The following EFR3B variants were observed in gnomAD, a reference collection of about 807,000 sequenced individuals.
The protein encoded by EFR3B is protein EFR3 homolog B.
A neutral mutation model predicts 104.7 loss-of-function variants in EFR3B; 64 were observed. The observed-to-expected ratio is 0.61, with a 90% CI of 0.50 to 0.75. EFR3B has a LOEUF of 0.75. EFR3B is among the 30% of genes least tolerant of loss of function. The pLI, the probability that EFR3B is intolerant of heterozygous loss-of-function variation, is 0.00. For missense variants in EFR3B, 750 were observed against 1,078.5 expected, an observed-to-expected ratio of 0.70 and a Z score of 4.27; for synonymous variants, 385 against 417.9, an observed-to-expected ratio of 0.92 and a Z score of 0.96.
In EFR3B at chr2:25,158,769, G is replaced by GC. The variant is rs1022044923; in HGVS notation, c.*4430dup. ...CCCCCCATGACTGTTGATTTCTGGC[G>GC]CGTGGAGGCAGAGTTGTGAATCCAC... On this transcript the variant is annotated 3_prime_UTR_variant, in exon 23 of 23. Transcript: ENST00000403714. The GC allele has an allele frequency of 6.6e-4, 101 of 152,328 alleles. No homozygotes were observed. The highest frequency in any genetic ancestry group is 2.4e-3 in the African/African-American group (99 of 41,526). 9.4% of individuals were successfully genotyped at this position (152,328 alleles called of 1,614,324 possible).
chr2:25,105,550 A>C (rs1669539536), intron 4 of EFR3B, among the ~76,000 whole-genome samples: 1 of 152,248 alleles, frequency 6.6e-6, no homozygotes. Context: ...TCCAAGGACC[A>C]AGAGTAGCAA....
chr2:25,131,706 G>C lies in EFR3B; in HGVS notation c.986-44G>C. ...CTGCGCGCGGTGCACAGAGGAGGAG[G>C]GTGCCAGCCTTGGATCTCGGGTGTC... On this transcript the variant is annotated intron_variant, in intron 9 of 22. Coordinates refer to ENST00000403714, the MANE Select transcript of EFR3B (RefSeq NM_014971.2). This position sits in a 1 kb window ranked among gnomAD's most constrained non-coding sequence, Gnocchi z 7.6. The C allele has an allele frequency of 2.7e-6, 4 of 1,483,786 alleles. No individual in the cohort carries two copies. The highest frequency in any genetic ancestry group is 3.6e-6 in the Non-Finnish European group (4 of 1,111,074). The allele number at this position is 1,483,786 out of a possible 1,614,324, so 91.9% of individuals were successfully genotyped here. A position where few individuals can be genotyped will look rare whatever the true frequency, so the allele number is the denominator to read the frequency against.
At position 25,137,279 on chromosome 2, in the gene EFR3B, T is replaced by C; in HGVS notation, c.1561-62T>C. ...CCTTCAGATTGGTCTTCCTCCGTGT[T>C]CTCCTTGCCCCTCCTGTCCCCATCC... On this transcript the variant is annotated intron_variant, in intron 14 of 22. Coordinates refer to ENST00000403714, the MANE Select transcript of EFR3B (RefSeq NM_014971.2). This position sits in a 1 kb window ranked among gnomAD's most constrained non-coding sequence, Gnocchi z 4.7. 6.5e-7 allele frequency: 1 copy of C among 1,532,668 alleles called. No individual in the cohort carries two copies. The highest frequency in any genetic ancestry group is 8.8e-7 in the Non-Finnish European group (1 of 1,134,440). The allele number at this position is 1,532,668 out of a possible 1,614,324, so 94.9% of individuals were successfully genotyped here.
chr2:25,092,853 C>A, intron 2 of EFR3B, 150 bp from the exon 3 acceptor site: 1 of 973,352 alleles, frequency 1.0e-6, no homozygotes, highest in Non-Finnish European at 1.5e-6. Flanking sequence ...TTTTAATCAT[C>A]TGCCTGTCTC....
At chr2:25,100,451 C>T (rs956761944) in intron 3 of EFR3B, among the ~76,000 whole-genome samples, 7 of 152,176 alleles carry the variant, frequency 4.6e-5, no homozygotes, top group Non-Finnish European at 8.8e-5. Flanking sequence ...GATTCCTGGG[C>T]ACCCCATTAG....
Position 25,137,214 on chromosome 2 carries a change from C to G in EFR3B, c.1561-127C>G, listed in dbSNP as rs184057411. 6 of 1,109,848 alleles carry G rather than the reference C, an allele frequency of 5.4e-6. No individual in the cohort carries two copies. The East Asian group carries it at 1.6e-4, about 29-fold the overall frequency. The allele number at this position is 1,109,848 out of a possible 1,614,324, so 68.8% of individuals were successfully genotyped here. On this transcript the variant is annotated intron_variant, in intron 14 of 22. Coordinates refer to ENST00000403714, the MANE Select transcript of EFR3B (RefSeq NM_014971.2). This position sits in a 1 kb window ranked among gnomAD's most constrained non-coding sequence, Gnocchi z 4.7. ...GCCAGAGCCCGCTTTAAAGGCATCC[C>G]CTCCCCAAGGGAGGAGGGGGCACAC...
At chr2:25,140,910 A>G (rs542003762) in intron 16 of EFR3B, among the ~76,000 whole-genome samples, 2 of 152,190 alleles carry the variant, frequency 1.3e-5, no homozygotes, top group South Asian at 4.1e-4. Context: ...GCGTGGTGGC[A>G]TGCACCTGCA....
chr2:25,107,845 A>G (rs1021968194), intron 4 of EFR3B, among the ~76,000 whole-genome samples: 6 of 141,364 alleles, frequency 4.2e-5, no homozygotes, highest in African/African-American at 1.6e-4. Flanking sequence ...TTCATTTTTT[A>G]TTTTATTTTT....
intron 1 of EFR3B, among the ~76,000 whole-genome samples, chr2:25,052,480 T>C (rs901602266): frequency 1.3e-5 from 2 of 151,652 alleles, no homozygotes; most frequent in African/African-American, 4.9e-5. Context: ...GGCACCACTA[T>C]GTGCCAGGCA....
chr2:25,091,488 C>A (rs1304951976), intron 2 of EFR3B, 87 bp downstream of exon 2: 30 of 1,271,130 alleles, frequency 2.4e-5, no homozygotes, highest in Non-Finnish European at 4.3e-6. Context: ...GGCCTCCTGC[C>A]GGGTGGGGAA....
intron 1 of EFR3B, among the ~76,000 whole-genome samples, chr2:25,067,434 T>G (rs1431199865): frequency 1.6e-4 from 24 of 151,120 alleles, no homozygotes; most frequent in African/African-American, 5.6e-4. Flanking sequence ...TTGTTTTTTT[T>G]TTTTTGTTTT....
chr2:25,059,155 C>T (rs552923679), intron 1 of EFR3B, among the ~76,000 whole-genome samples: 5 of 151,184 alleles, frequency 3.3e-5, no homozygotes, highest in African/African-American at 1.2e-4. Context: ...GTGTGTCTCC[C>T]AGGCTGGAGT....
chr2:25,046,241 C>T (rs1558579190), intron 1 of EFR3B, among the ~76,000 whole-genome samples: 3 of 151,936 alleles, frequency 2.0e-5, no homozygotes, highest in Admixed American at 6.6e-5. Context: ...CAAAATTAGC[C>T]AGGCATGGTG....
chr2:25,154,365 G>A lies in EFR3B; in HGVS notation c.*25G>A, dbSNP rs888298165. On this transcript the variant is annotated 3_prime_UTR_variant, in exon 23 of 23. Coordinates refer to ENST00000403714, the MANE Select transcript of EFR3B (RefSeq NM_014971.2). The surrounding 1 kb of genome is among the most constrained non-coding windows in gnomAD (Gnocchi z 4.1). ...AATTCCAAGAGCCTGAGCTCCTCAA[G>A]GAGATGGGGTCTGAGGAGGGGCTCA... The A allele has an allele frequency of 1.3e-6, 2 of 1,545,754 alleles. No individual in the cohort carries two copies. The highest frequency in any genetic ancestry group is 1.4e-5 in the African/African-American group (1 of 72,998).
chr2:25,123,646 G>A (rs1670081698), intron 5 of EFR3B, among the ~76,000 whole-genome samples: 1 of 152,224 alleles, frequency 6.6e-6, no homozygotes, highest in Non-Finnish European at 1.5e-5. Flanking sequence ...AGAGGGGCTG[G>A]AGCTGTGGGG....
At chr2:25,075,741 A>G (rs1172860502) in intron 1 of EFR3B, among the ~76,000 whole-genome samples, 2 of 152,346 alleles carry the variant, frequency 1.3e-5, no homozygotes, top group South Asian at 2.1e-4. Context: ...TGCCATCTGT[A>G]AAACAAGGAT....
intron 4 of EFR3B, among the ~76,000 whole-genome samples, chr2:25,107,115 G>A (rs543302763): frequency 3.3e-5 from 5 of 152,214 alleles, no homozygotes; most frequent in South Asian, 4.2e-4. Flanking sequence ...TGATTCTTTC[G>A]GCCCCTGTGC....
intron 4 of EFR3B, among the ~76,000 whole-genome samples, chr2:25,106,228 C>A (rs1408096619): frequency 1.3e-5 from 2 of 152,060 alleles, no homozygotes; most frequent in East Asian, 1.9e-4. Flanking sequence ...GGAAAGGGGG[C>A]CTAGGAGAGG....
intron 4 of EFR3B, among the ~76,000 whole-genome samples, chr2:25,112,990 C>G (rs1368814712): frequency 2.0e-5 from 3 of 151,972 alleles, no homozygotes; most frequent in Non-Finnish European, 2.9e-5. Context: ...GGAGCTTTTA[C>G]TCTCTATTGA....
Sources: allele counts gnomAD v4.1 joint callset (sites outside exome capture counted in the v4.1 genomes callset), GRCh38; gene constraint gnomAD v4.1.1; non-coding constraint Gnocchi (gnomAD v3.1); transcripts MANE v1.5; gene names NCBI Gene and HGNC (gene_info 2026-07-23, HGNC 2026-07-21).